The following EYA2 variants were observed in gnomAD, a reference collection of about 807,000 sequenced individuals.
EYA2 encodes EYA transcriptional coactivator and phosphatase 2.
Under a neutral mutation model 69.2 loss-of-function variants are expected in EYA2, and 31 were observed. The ratio of observed to expected loss-of-function variants is 0.45; its 90% CI spans 0.34 to 0.60. The LOEUF (loss-of-function observed/expected upper bound fraction) is 0.60. Among genes scored for constraint, EYA2 ranks in the 20% least tolerant of loss-of-function variants. The pLI is 0.02. For missense variants in EYA2, 622 were observed against 701.2 expected (o/e 0.89, Z 1.28); for synonymous variants, 257 against 279.4 (o/e 0.92, Z 0.80).
At chr20:47,115,867 A>C (rs1310873924) in intron 9 of EYA2, among the ~76,000 whole-genome samples, 2 of 152,092 alleles carry the variant, frequency 1.3e-5, no homozygotes, top group African/African-American at 4.8e-5. Flanking sequence ...AACCTTGCCA[A>C]CTTTCACCTT....
intron 1 of EYA2, among the ~76,000 whole-genome samples, chr20:46,910,390 A>T (rs184962911): frequency 6.6e-6 from 1 of 152,292 alleles, no homozygotes; most frequent in South Asian, 2.1e-4. Flanking sequence ...CCTTGATCCA[A>T]TCACCTCCTA....
intron 5 of EYA2, among the ~76,000 whole-genome samples, chr20:47,027,359 G>A (rs1044028207): frequency 2.0e-5 from 3 of 152,200 alleles, no homozygotes; most frequent in Admixed American, 6.5e-5. Flanking sequence ...GACTGAGGCC[G>A]AGTTCCCTAA....
chr20:47,059,941 C>T (rs1047611959), intron 5 of EYA2, among the ~76,000 whole-genome samples: 4 of 152,182 alleles, frequency 2.6e-5, no homozygotes, highest in African/African-American at 9.7e-5. Flanking sequence ...AGATCACAAC[C>T]TGGAAGCCCA....
chr20:47,114,444 G>A (rs867915686), intron 9 of EYA2, among the ~76,000 whole-genome samples: 8 of 152,180 alleles, frequency 5.3e-5, no homozygotes, highest in Middle Eastern at 3.4e-3. Flanking sequence ...GTGAAACCCC[G>A]TCTCTACTAA....
chr20:47,173,126 G>A (rs933659936), intron 12 of EYA2, among the ~76,000 whole-genome samples: 1 of 152,068 alleles, frequency 6.6e-6, no homozygotes. Context: ...GTGGACGTGG[G>A]GGCGGAATTC....
chr20:47,002,566 A>G (rs1158564395), intron 3 of EYA2, among the ~76,000 whole-genome samples: 2 of 152,196 alleles, frequency 1.3e-5, no homozygotes, highest in African/African-American at 4.8e-5. Flanking sequence ...ATAGTATTCT[A>G]TGGTGTATCT....
intron 4 of EYA2, among the ~76,000 whole-genome samples, chr20:47,014,764 A>G (rs895191602): frequency 6.6e-6 from 1 of 151,510 alleles, no homozygotes; most frequent in Non-Finnish European, 1.5e-5. Flanking sequence ...ATATGTGTGT[A>G]TATATACACA....
At chr20:47,051,796 C>T (rs2030344213) in intron 5 of EYA2, among the ~76,000 whole-genome samples, 1 of 152,202 alleles carries the variant, frequency 6.6e-6, no homozygotes, top group Non-Finnish European at 1.5e-5. Context: ...ACAGTAGGTG[C>T]TCAGGAAACA....
intron 7 of EYA2, among the ~76,000 whole-genome samples, chr20:47,083,419 A>G (rs982538116): frequency 7.2e-5 from 11 of 151,968 alleles, no homozygotes; most frequent in African/African-American, 2.7e-4. Flanking sequence ...TCTACTAAAT[A>G]TACAAAAAAA....
intron 1 of EYA2, among the ~76,000 whole-genome samples, chr20:46,917,944 T>A (rs559620000): frequency 6.6e-6 from 1 of 152,306 alleles, no homozygotes; most frequent in Non-Finnish European, 1.5e-5. Flanking sequence ...GAATCCATTC[T>A]CTTCCTTTTA....
chr20:47,115,055 T>C (rs2032852435), intron 9 of EYA2, among the ~76,000 whole-genome samples: 2 of 152,230 alleles, frequency 1.3e-5, no homozygotes, highest in Admixed American at 1.3e-4. Context: ...TTTATAGCAA[T>C]GCAAGAATGG....
chr20:46,987,964 C>CTCTCTCTA (rs1555809797), intron 1 of EYA2, among the ~76,000 whole-genome samples: 6 of 11,266 alleles, frequency 5.3e-4, no homozygotes, highest in African/African-American at 1.1e-3. Flanking sequence ...CTCTCTCTCT[C>CTCTCTCTA]TATATATATA....
At chr20:47,102,829 C>T (rs939083269) in intron 9 of EYA2, among the ~76,000 whole-genome samples, 3 of 152,174 alleles carry the variant, frequency 2.0e-5, no homozygotes, top group Non-Finnish European at 4.4e-5. Context: ...GTGACTGCTG[C>T]CTCTTTCCTA....
At chr20:47,158,139 A>G (rs1179813061) in intron 10 of EYA2, among the ~76,000 whole-genome samples, 1 of 151,968 alleles carries the variant, frequency 6.6e-6, no homozygotes, top group Non-Finnish European at 1.5e-5. Context: ...TATAATTGGT[A>G]TCATTTATTT....
chr20:46,976,626 C>A (rs1194446779), intron 1 of EYA2, among the ~76,000 whole-genome samples: 1 of 152,158 alleles, frequency 6.6e-6, no homozygotes, highest in African/African-American at 2.4e-5. Flanking sequence ...ACCTCGTGAT[C>A]CACCCACCGT....
chr20:46,909,316 C>T (rs1240865002), intron 1 of EYA2, among the ~76,000 whole-genome samples: 1 of 151,990 alleles, frequency 6.6e-6, no homozygotes, highest in East Asian at 1.9e-4. Context: ...AAGCCTTTTA[C>T]AAGAGGAGAT....
intron 1 of EYA2, among the ~76,000 whole-genome samples, chr20:46,940,930 C>T (rs1986129649): frequency 1.3e-5 from 2 of 152,344 alleles, no homozygotes; most frequent in South Asian, 2.1e-4. Flanking sequence ...GGGCCCCTAG[C>T]CTCCTGACTC....
chr20:47,147,309 A>G (rs1364314319), intron 10 of EYA2, among the ~76,000 whole-genome samples: 1 of 151,898 alleles, frequency 6.6e-6, no homozygotes, highest in Non-Finnish European at 1.5e-5. Context: ...TCAACCCCCA[A>G]AATACCAAAG....
chr20:47,018,963 T>A (rs1270254505), intron 5 of EYA2, among the ~76,000 whole-genome samples: 3 of 152,118 alleles, frequency 2.0e-5, no homozygotes, highest in Non-Finnish European at 4.4e-5. Context: ...TGCGGCTTAA[T>A]CTCCCCAGTA....
Sources: allele counts gnomAD v4.1 joint callset (sites outside exome capture counted in the v4.1 genomes callset), GRCh38; gene constraint gnomAD v4.1.1; transcripts MANE v1.5; gene names NCBI Gene and HGNC (gene_info 2026-07-23, HGNC 2026-07-21).